The following PTPRD variants were observed in gnomAD, a reference collection of about 807,000 sequenced individuals.
PTPRD encodes the protein receptor-type tyrosine-protein phosphatase delta.
Under a neutral mutation model 214.5 loss-of-function variants are expected in PTPRD, and 34 were observed. That is an observed-to-expected ratio of 0.16 (90% CI 0.12 to 0.21). The LOEUF (loss-of-function observed/expected upper bound fraction) is 0.21. Ranked by LOEUF, PTPRD falls within the 10% of genes least tolerant of loss-of-function variation. The pLI is 1.00. For missense variants in PTPRD, 2,545 were observed against 2,398.7 expected, an observed-to-expected ratio of 1.06 and a Z score of -1.27; for synonymous variants, 1,128 against 845.7, an observed-to-expected ratio of 1.33 and a Z score of -5.79.
chr9:8,499,923 G>C lies in PTPRD; in HGVS notation c.2129-83C>G, dbSNP rs192250641. ...CATTTTCTGCATTTTCTTTACTTAG[G>C]TTTCTCTTTCAAAAAATGGGTAAAC... On this transcript the variant is annotated intron_variant, in intron 24 of 45. Coordinates refer to ENST00000381196, the MANE Select transcript of PTPRD (RefSeq NM_002839.4). 6.4e-6 allele frequency: 8 copies of C among 1,243,442 alleles called. No individual in the cohort carries two copies. In the African/African-American group the frequency reaches 1.2e-4, roughly 19 times the overall value. The allele number at this position is 1,243,442 out of a possible 1,614,324, so 77.0% of individuals were successfully genotyped here.
At chr9:9,644,521 C>A (rs2096078479) in intron 7 of PTPRD, among the ~76,000 whole-genome samples, 4 of 152,146 alleles carry the variant, frequency 2.6e-5, no homozygotes, top group African/African-American at 9.7e-5. Flanking sequence ...AGCTATGAAG[C>A]AATGAAAATA....
intron 3 of PTPRD, among the ~76,000 whole-genome samples, chr9:10,299,803 G>A (rs1459023753): frequency 6.6e-6 from 1 of 152,092 alleles, no homozygotes; most frequent in Non-Finnish European, 1.5e-5. Flanking sequence ...AAATACTCGT[G>A]GAAATAGTTT....
intron 11 of PTPRD, among the ~76,000 whole-genome samples, chr9:8,975,805 T>C (rs927733437): frequency 4.0e-5 from 6 of 148,512 alleles, no homozygotes; most frequent in Non-Finnish European, 9.0e-5. Context: ...TATATATTTG[T>C]ATATATATAT....
At chr9:9,594,099 T>A (rs935774719) in intron 7 of PTPRD, among the ~76,000 whole-genome samples, 7 of 152,038 alleles carry the variant, frequency 4.6e-5, no homozygotes, top group Admixed American at 2.0e-4. Flanking sequence ...CAGTTCAGTA[T>A]GAATCATTTT....
chr9:10,552,653 A>T (rs1885507), intron 2 of PTPRD, among the ~76,000 whole-genome samples: 1 of 152,080 alleles, frequency 6.6e-6, no homozygotes, highest in East Asian at 1.9e-4. Context: ...TGTTGTCAAA[A>T]AATAACATAT....
intron 2 of PTPRD, among the ~76,000 whole-genome samples, chr9:10,491,764 G>A (rs1020665901): frequency 2.0e-5 from 3 of 151,738 alleles, no homozygotes; most frequent in African/African-American, 7.3e-5. Context: ...TGCAGAACAT[G>A]CAGGTTTGTT....
At chr9:9,474,269 G>C (rs939931791) in intron 8 of PTPRD, among the ~76,000 whole-genome samples, 1 of 151,938 alleles carries the variant, frequency 6.6e-6, no homozygotes, top group South Asian at 2.1e-4. Flanking sequence ...GGCTGCAATA[G>C]GTAAATTAAT....
At chr9:10,013,317 C>A (rs2096637991) in intron 4 of PTPRD, among the ~76,000 whole-genome samples, 1 of 151,692 alleles carries the variant, frequency 6.6e-6, no homozygotes, top group African/African-American at 2.4e-5. Context: ...TCACAGAAAT[C>A]AAAGAATAAA....
At chr9:9,916,077 A>C (rs2153836663) in intron 5 of PTPRD, among the ~76,000 whole-genome samples, 1 of 148,530 alleles carries the variant, frequency 6.7e-6, no homozygotes, top group East Asian at 2.0e-4. Flanking sequence ...AAAGTACTAA[A>C]ATTAAAAAAA....
At chr9:9,301,270 G>C (rs1955182762) in intron 9 of PTPRD, among the ~76,000 whole-genome samples, 2 of 151,840 alleles carry the variant, frequency 1.3e-5, no homozygotes, top group Admixed American at 6.6e-5. Flanking sequence ...ATCAAGAGCT[G>C]TCAAAACAGA....
intron 10 of PTPRD, among the ~76,000 whole-genome samples, chr9:9,161,855 C>CAT (rs146603383): frequency 7.5e-4 from 114 of 151,124 alleles, no homozygotes; most frequent in Admixed American, 2.8e-3. Flanking sequence ...ATAAGCTACA[C>CAT]ATATATATAT....
At chr9:9,933,574 A>G (rs2087763190) in intron 5 of PTPRD, among the ~76,000 whole-genome samples, 2 of 151,550 alleles carry the variant, frequency 1.3e-5, no homozygotes, top group Non-Finnish European at 2.9e-5. Flanking sequence ...CCAGATTCAT[A>G]AAGCAAGTCC....
intron 22 of PTPRD, among the ~76,000 whole-genome samples, chr9:8,504,854 A>G (rs1021008852): frequency 6.6e-6 from 1 of 152,206 alleles, no homozygotes. Flanking sequence ...TGAAATCTCA[A>G]TTGGAGGCAA....
chr9:8,980,400 A>G (rs960308259), intron 11 of PTPRD, among the ~76,000 whole-genome samples: 3 of 152,082 alleles, frequency 2.0e-5, no homozygotes, highest in Non-Finnish European at 4.4e-5. Flanking sequence ...TGTCATAAAA[A>G]CAGAAACTAC....
chr9:9,965,887 ATG>A (rs1375873877), intron 4 of PTPRD, among the ~76,000 whole-genome samples: 1 of 152,228 alleles, frequency 6.6e-6, no homozygotes, highest in Non-Finnish European at 1.5e-5. Context: ...GCATATTAGC[ATG>A]TCTCTTTCCT....
chr9:9,556,912 A>G, intron 8 of PTPRD, among the ~76,000 whole-genome samples: 1 of 152,176 alleles, frequency 6.6e-6, no homozygotes, highest in East Asian at 1.9e-4. Flanking sequence ...AGTATCTTCA[A>G]TTCTACTGTA....
intron 9 of PTPRD, among the ~76,000 whole-genome samples, chr9:9,344,027 T>C (rs1002401832): frequency 2.0e-5 from 3 of 152,150 alleles, no homozygotes; most frequent in African/African-American, 7.2e-5. Context: ...GCTATATATG[T>C]TTATCTTCTA....
chr9:10,076,161 T>G (rs972930150), intron 3 of PTPRD, among the ~76,000 whole-genome samples: 1 of 152,256 alleles, frequency 6.6e-6, no homozygotes, highest in East Asian at 1.9e-4. Context: ...TCTGGCTTCT[T>G]GAGTGCAGGT....
intron 7 of PTPRD, among the ~76,000 whole-genome samples, chr9:9,698,740 A>T (rs2097431046): frequency 1.3e-5 from 2 of 152,164 alleles, no homozygotes; most frequent in Non-Finnish European, 2.9e-5. Flanking sequence ...TGGCTGTTCA[A>T]TTTGATCTCA....
Sources: gnomAD v4.1 joint callset for allele counts (sites outside exome capture counted in the v4.1 genomes callset) on GRCh38, gnomAD v4.1.1 for gene constraint, MANE v1.5 for transcripts, NCBI Gene and HGNC (gene_info 2026-07-23, HGNC 2026-07-21) for gene names.